Variants in TEX2 observed in about 807,000 individuals in gnomAD.
TEX2 encodes testis-expressed protein 2.
Under a neutral mutation model 106.9 loss-of-function variants are expected in TEX2, and 53 were observed. The ratio of observed to expected loss-of-function variants is 0.50; its 90% CI spans 0.40 to 0.62. The LOEUF is 0.62. Ranked by LOEUF, TEX2 falls within the 20% of genes least tolerant of loss-of-function variation. The probability of loss-of-function intolerance (pLI) is 0.00; values close to 1 mark genes in which losing one functional copy is unlikely to be tolerated. For missense variants in TEX2, 1,207 were observed against 1,379.0 expected (o/e 0.88, Z 1.98); for synonymous variants, 523 against 534.8 (o/e 0.98, Z 0.30).
chr17:64,206,064 TTAAAA>T (rs2032818605), intron 2 of TEX2, among the ~76,000 whole-genome samples: 2 of 152,196 alleles, frequency 1.3e-5, no homozygotes, highest in Non-Finnish European at 2.9e-5. Context: ...TGGCTCTGAA[TTAAAA>T]ATAATCCTGG....
chr17:64,174,933 G>A (rs1169651464), intron 6 of TEX2, among the ~76,000 whole-genome samples: 2 of 152,154 alleles, frequency 1.3e-5, no homozygotes, highest in African/African-American at 2.4e-5. Flanking sequence ...CTGACAATCC[G>A]AGACTACAGG....
rs145980114 is a variant in TEX2 at position 64,200,619 on chromosome 17, A to G, written c.1645-5524T>C. 1.7e-3 allele frequency among the ~76,000 whole-genome samples: 260 copies of G among 152,376 alleles called. 1 individual carries two copies. The highest frequency in any genetic ancestry group is 6.1e-3 in the African/African-American group (254 of 41,594). ...ACCACTTGCCAAATTCAGGAATCCCAGAACAACCTGATTCAGAAGAATGTG... is the reference window on the plus strand; with the variant it reads ...ACCACTTGCCAAATTCAGGAATCCCGGAACAACCTGATTCAGAAGAATGTG... On this transcript the variant is annotated intron_variant, in intron 2 of 11. Transcript: ENST00000584379.
At chr17:64,210,634 C>CTTTTTTTTTTTTTTTTTTTTTTTTTT (rs58313195) in intron 2 of TEX2, among the ~76,000 whole-genome samples, 3 of 74,786 alleles carry the variant, frequency 4.0e-5, no homozygotes, top group Non-Finnish European at 4.9e-5. Context: ...CAACCCCCAG[C>CTTTTTTTTTTTTTTTTTTTTTTTTTT]TTTTTTTTTT....
At chr17:64,165,789 AT>A (rs1317880152) in intron 7 of TEX2, among the ~76,000 whole-genome samples, 2 of 152,226 alleles carry the variant, frequency 1.3e-5, no homozygotes, top group African/African-American at 4.8e-5. Flanking sequence ...AAGGTCTGGA[AT>A]ATCAGTCCAG....
At chr17:64,203,563 T>C (rs1391797841) in intron 2 of TEX2, among the ~76,000 whole-genome samples, 2 of 152,148 alleles carry the variant, frequency 1.3e-5, no homozygotes, top group Non-Finnish European at 2.9e-5. Flanking sequence ...ATCATGGAGT[T>C]TGAGAATATG....
chr17:64,157,396 A>G (rs1376072549), intron 8 of TEX2, among the ~76,000 whole-genome samples: 1 of 152,156 alleles, frequency 6.6e-6, no homozygotes, highest in East Asian at 1.9e-4. Flanking sequence ...TATCACTGAC[A>G]CTCTTAGACC....
In TEX2 at chr17:64,213,730, G is replaced by A; in HGVS notation, c.488C>T (p.Pro163Leu). Residue 163 changes from proline (P) to leucine (L), a missense_variant, in exon 2 of 12, where the codon CCA becomes CTA. Transcript: ENST00000584379. This position sits in a 1 kb window ranked among gnomAD's most constrained non-coding sequence, Gnocchi z 4.4. Reference protein sequence around the residue: ...LSEQKTSSSSPLSSPSKSPIL... With the variant: ...LSEQKTSSSSLLSSPSKSPIL... The stretch of plus-strand genomic sequence containing the variant: ...GGGAGACTTAGAAGGAGAGGACAAT[G>A]GGGAGGAAGAACTGGTTTTCTGCTC... The A allele has an allele frequency of 6.2e-7, 1 of 1,614,168 alleles. No homozygotes were observed. The highest frequency in any genetic ancestry group is 2.2e-5 in the East Asian group (1 of 44,890).
In TEX2 at chr17:64,212,639, A is replaced by C. The variant is rs539268909; in HGVS notation, c.1579T>G (p.Leu527Val). Residue 527 changes from leucine (L) to valine (V), a missense_variant, in exon 2 of 12, where the codon TTA (leucine) becomes GTA (valine). Physicochemically the swap from Leu to Val is conservative, Grantham distance 32. Transcript: ENST00000584379. ...TPPSAHKYHKLHKNLRHWNTR... is the reference protein window; with the variant it reads ...TPPSAHKYHKVHKNLRHWNTR... ...TTCCAGTGTCGCAGATTTTTGTGTA[A>C]CTTGTGATATTTATGAGCACTTGGT... 19 of 1,613,998 alleles carry C rather than the reference A, an allele frequency of 1.2e-5. No individual in the cohort carries two copies. The highest frequency in any genetic ancestry group is 1.5e-5 in the Non-Finnish European group (18 of 1,180,008).
chr17:64,241,186 T>C (rs2033881348), intron 1 of TEX2, among the ~76,000 whole-genome samples: 1 of 152,180 alleles, frequency 6.6e-6, no homozygotes, highest in Non-Finnish European at 1.5e-5. Context: ...GGTCGGTTCA[T>C]GCGTCTGGAA....
chr17:64,228,692 G>A (rs1295289835), intron 1 of TEX2, among the ~76,000 whole-genome samples: 1 of 152,094 alleles, frequency 6.6e-6, no homozygotes, highest in Non-Finnish European at 1.5e-5. Flanking sequence ...CTGGTTCCTA[G>A]CAGGCCATGG....
At chr17:64,244,091 A>C (rs1280252859) in intron 1 of TEX2, among the ~76,000 whole-genome samples, 2 of 152,098 alleles carry the variant, frequency 1.3e-5, no homozygotes, top group Non-Finnish European at 2.9e-5. Flanking sequence ...ACAAGTGTGA[A>C]CCACCGCGCC....
chr17:64,251,331 A>G (rs2034086938), intron 1 of TEX2, among the ~76,000 whole-genome samples: 1 of 152,198 alleles, frequency 6.6e-6, no homozygotes, highest in Admixed American at 6.5e-5. Flanking sequence ...AGGTCTCCTC[A>G]TTATCCGATT....
At chr17:64,235,042 C>G (rs923380194) in intron 1 of TEX2, among the ~76,000 whole-genome samples, 1 of 152,128 alleles carries the variant, frequency 6.6e-6, no homozygotes, top group African/African-American at 2.4e-5. Flanking sequence ...CAAACGCAGT[C>G]CTGATCTGTG....
At chr17:64,183,315 T>C (rs564344880) in intron 5 of TEX2, among the ~76,000 whole-genome samples, 1 of 152,380 alleles carries the variant, frequency 6.6e-6, no homozygotes, top group South Asian at 2.1e-4. Flanking sequence ...GGAGTGGAAC[T>C]GCTGGCTCAT....
intron 1 of TEX2, among the ~76,000 whole-genome samples, chr17:64,215,509 T>C (rs1252584714): frequency 2.6e-5 from 4 of 152,064 alleles, no homozygotes; most frequent in Admixed American, 2.6e-4. Context: ...GGGAGGCCAT[T>C]GAGACAAAAG....
chr17:64,193,322 C>T (rs2032360339), intron 4 of TEX2, among the ~76,000 whole-genome samples: 1 of 152,204 alleles, frequency 6.6e-6, no homozygotes, highest in African/African-American at 2.4e-5. Context: ...ACATAACCAG[C>T]AAAGGCTAAT....
chr17:64,176,671 T>G (rs1014479670), intron 6 of TEX2, among the ~76,000 whole-genome samples: 26 of 152,230 alleles, frequency 1.7e-4, no homozygotes, highest in African/African-American at 5.8e-4. Context: ...CACTTCCAAC[T>G]GGCCCTGGAT....
At chr17:64,189,054 T>C (rs1254081737) in intron 4 of TEX2, among the ~76,000 whole-genome samples, 3 of 152,126 alleles carry the variant, frequency 2.0e-5, no homozygotes, top group Non-Finnish European at 4.4e-5. Context: ...CAGGGGTAAA[T>C]GGAAAGTGGG....
rs184604016 is a variant in TEX2 at position 64,168,891 on chromosome 17, C to T, written c.2671+2209G>A. Among the ~76,000 whole-genome samples, 23 of 121,280 alleles carry T rather than the reference C, an allele frequency of 1.9e-4. 1 individual carries two copies. Among genetic ancestry groups the T allele is most frequent in the African/African-American group, 4.9e-4 (16 of 32,420 alleles). 79.6% of individuals were successfully genotyped at this position (121,280 alleles called of 152,430 possible). The stretch of plus-strand genomic sequence containing the variant: ...ATGCTAGCTAGCTATGCAGTGAACA[C>T]ATAGATGGTGCTTTTTTTTTTTTTT... On this transcript the variant is annotated intron_variant, in intron 7 of 11. Coordinates refer to ENST00000584379, the MANE Select transcript of TEX2 (RefSeq NM_001288732.2).
Sources: allele counts gnomAD v4.1 joint callset (sites outside exome capture counted in the v4.1 genomes callset), GRCh38; gene constraint gnomAD v4.1.1; non-coding constraint Gnocchi (gnomAD v3.1); transcripts MANE v1.5; gene names NCBI Gene and HGNC (gene_info 2026-07-23, HGNC 2026-07-21).